Variants in NEDD9 observed in about 807,000 individuals in gnomAD.
NEDD9 encodes neural precursor cell expressed, developmentally down-regulated 9.
Under a neutral mutation model 76.6 loss-of-function variants are expected in NEDD9, and 26 were observed. That is an observed-to-expected ratio of 0.34 (90% CI 0.25 to 0.47). The LOEUF is 0.47. NEDD9 is among the 20% of genes least tolerant of loss of function. The probability of loss-of-function intolerance (pLI) is 1.00; values close to 1 mark genes in which losing one functional copy is unlikely to be tolerated. For synonymous variants in NEDD9, 392 were observed against 414.2 expected, an observed-to-expected ratio of 0.95 and a Z score of 0.65; for missense variants, 937 against 1,058.5, an observed-to-expected ratio of 0.89 and a Z score of 1.59.
At chr6:11,284,930 T>C (rs542413063) in intron 3 of NEDD9, among the ~76,000 whole-genome samples, 44 of 151,862 alleles carry the variant, frequency 2.9e-4, no homozygotes, top group Non-Finnish European at 1.2e-4. Flanking sequence ...ATGAGGGAGG[T>C]GCTAGTATTT....
intron 3 of NEDD9, among the ~76,000 whole-genome samples, chr6:11,289,094 G>A (rs753298301): frequency 1.3e-5 from 2 of 152,134 alleles, no homozygotes; most frequent in Non-Finnish European, 2.9e-5. Context: ...CTCAGCAAAC[G>A]CATTCATCTT....
chr6:11,307,802 A>T (rs9468839), intron 2 of NEDD9, among the ~76,000 whole-genome samples: 86,881 of 151,960 alleles, frequency 0.57, 25,539 homozygotes, highest in East Asian at 0.8. Flanking sequence ...GCTTTCCAAG[A>T]GCCCTTTCCA....
chr6:11,362,630 G>C (rs1762697607), intron 1 of NEDD9, among the ~76,000 whole-genome samples: 1 of 152,254 alleles, frequency 6.6e-6, no homozygotes, highest in African/African-American at 2.4e-5. Context: ...CTCACCAAAG[G>C]GAGATATTTG....
At chr6:11,256,254 G>C (rs1760004133) in intron 3 of NEDD9, among the ~76,000 whole-genome samples, 1 of 152,156 alleles carries the variant, frequency 6.6e-6, no homozygotes, top group African/African-American at 2.4e-5. Context: ...TGCCAAGGCA[G>C]GGCCCCCATC....
chr6:11,294,755 G>T (rs1399306678), intron 3 of NEDD9, among the ~76,000 whole-genome samples: 1 of 152,158 alleles, frequency 6.6e-6, no homozygotes, highest in African/African-American at 2.4e-5. Flanking sequence ...GCCAACTGGG[G>T]TAAGATGATA....
At chr6:11,311,688 A>C (rs758716216) in intron 2 of NEDD9, among the ~76,000 whole-genome samples, 8 of 152,248 alleles carry the variant, frequency 5.3e-5, no homozygotes, top group Admixed American at 5.2e-4. Flanking sequence ...TGGCTGTATT[A>C]GTTTGCTAGA....
chr6:11,316,931 G>C (rs540307565), intron 2 of NEDD9, among the ~76,000 whole-genome samples: 1 of 152,172 alleles, frequency 6.6e-6, no homozygotes, highest in Non-Finnish European at 1.5e-5. Flanking sequence ...TTAAGTCTAC[G>C]GGGGAAATGG....
chr6:11,215,563 C>T (rs927045320), intron 1 of NEDD9, among the ~76,000 whole-genome samples: 1 of 152,162 alleles, frequency 6.6e-6, no homozygotes, highest in Admixed American at 6.5e-5. Flanking sequence ...CAAGAGAAGT[C>T]ATAGAGTTAC....
At position 11,198,547 on chromosome 6, in the gene NEDD9, T is replaced by A. The variant is rs1758348058; in HGVS notation, c.460-4855A>T. ...CAAACAGATAATATGTCTCTATCCTTGGAACTCCCTGAGCCAGTGATCCAC... is the reference window on the plus strand; with the variant it reads ...CAAACAGATAATATGTCTCTATCCTAGGAACTCCCTGAGCCAGTGATCCAC... On this transcript the variant is annotated intron_variant, in intron 2 of 6. Transcript: ENST00000379446. This position sits in a 1 kb window ranked among gnomAD's most constrained non-coding sequence, Gnocchi z 4.7. The A allele has an allele frequency of 1.3e-5, 2 of 152,186 alleles. No individual in the cohort carries two copies. Among genetic ancestry groups the A allele is most frequent in the South Asian group, 4.2e-4 (2 of 4,800 alleles). The allele number at this position is 152,186 out of a possible 1,614,324, so 9.4% of individuals were successfully genotyped here. A position where few individuals can be genotyped will look rare whatever the true frequency, so the allele number is the denominator to read the frequency against.
At position 11,190,236 on chromosome 6, in the gene NEDD9, G is replaced by A. The variant is rs898499882; in HGVS notation, c.1633C>T (p.Leu545Phe). Residue 545 changes from leucine to phenylalanine, a missense_variant, in exon 5 of 7, where the codon CTC becomes TTC. Transcript: ENST00000379446. The surrounding 1 kb of genome is among the most constrained non-coding windows in gnomAD (Gnocchi z 5.8). Reference sequence around the variant, plus strand: ...GCGTTGGTGTTGATGGTTGTGGTGAGCTGCTTGGCGTCATCGGGCACCGTC... The same window carrying A: ...GCGTTGGTGTTGATGGTTGTGGTGAACTGCTTGGCGTCATCGGGCACCGTC... ...AKTVPDDAKQLTTTINTNAEA... is the reference protein window; with the variant it reads ...AKTVPDDAKQFTTTINTNAEA... The A allele has an allele frequency of 5.6e-6, 9 of 1,614,242 alleles. No individual in the cohort carries two copies. The highest frequency in any genetic ancestry group is 7.6e-6 in the Non-Finnish European group (9 of 1,180,038).
At chr6:11,333,826 C>T (rs1317095911) in intron 2 of NEDD9, among the ~76,000 whole-genome samples, 2 of 152,226 alleles carry the variant, frequency 1.3e-5, no homozygotes, top group Non-Finnish European at 2.9e-5. Context: ...GCTGTGTCTG[C>T]ATGCCCTGAA....
chr6:11,274,541 C>T (rs1214434345), intron 3 of NEDD9, among the ~76,000 whole-genome samples: 2 of 152,190 alleles, frequency 1.3e-5, no homozygotes, highest in Non-Finnish European at 2.9e-5. Flanking sequence ...TCAATCAACT[C>T]GTTAATCCAC....
intron 1 of NEDD9, among the ~76,000 whole-genome samples, chr6:11,374,082 A>G (rs907364802): frequency 1.3e-5 from 2 of 152,012 alleles, no homozygotes; most frequent in Non-Finnish European, 2.9e-5. Flanking sequence ...ATATATGTAT[A>G]TATATACACA....
chr6:11,229,247 C>T (rs189597783), intron 1 of NEDD9, among the ~76,000 whole-genome samples: 72 of 152,318 alleles, frequency 4.7e-4, no homozygotes, highest in African/African-American at 1.7e-3. Flanking sequence ...GAATTTGTTG[C>T]ATGGTAGACG....
intron 1 of NEDD9, among the ~76,000 whole-genome samples, chr6:11,345,125 G>A (rs1055687297): frequency 3.9e-5 from 6 of 152,210 alleles, no homozygotes; most frequent in African/African-American, 1.4e-4. Flanking sequence ...GGCAGGATGA[G>A]AAGGGGAGTG....
chr6:11,252,664 C>T lies in NEDD9; in HGVS notation c.13-38937G>A, dbSNP rs972849871. On this transcript the variant is annotated intron_variant, in intron 3 of 3. Transcript: ENST00000397378. This position sits in a 1 kb window ranked among gnomAD's most constrained non-coding sequence, Gnocchi z 4.3. Reference sequence around the variant, plus strand: ...TCTGCACAAGCAAAGCATTATTATCCTAATCAAAGTTGAAAATGACAAATA... The same window carrying T: ...TCTGCACAAGCAAAGCATTATTATCTTAATCAAAGTTGAAAATGACAAATA... Among the ~76,000 whole-genome samples, 3 of 150,800 alleles carry T rather than the reference C, an allele frequency of 2.0e-5. No homozygotes were observed. The highest frequency in any genetic ancestry group is 7.3e-5 in the African/African-American group (3 of 41,106).
intron 1 of NEDD9, among the ~76,000 whole-genome samples, chr6:11,380,345 G>A (rs1763040734): frequency 6.6e-6 from 1 of 152,238 alleles, no homozygotes; most frequent in Non-Finnish European, 1.5e-5. Context: ...GGAGTATCCA[G>A]GGAAGGAGAG....
intron 5 of NEDD9, 117 bp downstream of exon 5, chr6:11,189,847 A>G: frequency 7.7e-7 from 1 of 1,292,244 alleles, no homozygotes; most frequent in Non-Finnish European, 1.0e-6. Context: ...AACCATGTAG[A>G]TTAACATTAA....
At chr6:11,311,705 A>G (rs1035672028) in intron 2 of NEDD9, among the ~76,000 whole-genome samples, 1 of 152,240 alleles carries the variant, frequency 6.6e-6, no homozygotes, top group South Asian at 2.1e-4. Context: ...TAGAGCTGCC[A>G]TAATAAAATA....
Sources: allele counts gnomAD v4.1 joint callset (sites outside exome capture counted in the v4.1 genomes callset), GRCh38; gene constraint gnomAD v4.1.1; non-coding constraint Gnocchi (gnomAD v3.1); transcripts MANE v1.5; gene names NCBI Gene and HGNC (gene_info 2026-07-23, HGNC 2026-07-21).